The following SLC4A4 variants were observed in gnomAD, a reference collection of about 807,000 sequenced individuals.
SLC4A4 encodes solute carrier family 4 member 4.
In SLC4A4, 27 loss-of-function variants were observed where a neutral mutation model predicts 111.5. The observed-to-expected ratio is 0.24, with a 90% CI of 0.18 to 0.33. The LOEUF (loss-of-function observed/expected upper bound fraction) is 0.33, where lower values mean the gene tolerates loss of function less well. Among genes scored for constraint, SLC4A4 ranks in the 10% least tolerant of loss-of-function variants. SLC4A4 has a pLI of 1.00. For missense variants in SLC4A4, 909 were observed against 1,315.5 expected, an observed-to-expected ratio of 0.69 and a Z score of 4.78; for synonymous variants, 443 against 463.4, an observed-to-expected ratio of 0.96 and a Z score of 0.57.
At chr4:71,072,049 TTC>T (rs1340424165) in intron 1 of SLC4A4, among the ~76,000 whole-genome samples, 1 of 152,208 alleles carries the variant, frequency 6.6e-6, no homozygotes, top group Admixed American at 6.5e-5. Flanking sequence ...GCAAAAATAT[TTC>T]TTTTAATTTT....
intron 2 of SLC4A4, among the ~76,000 whole-genome samples, chr4:71,125,815 GA>G (rs1743546285): frequency 6.6e-6 from 1 of 151,962 alleles, no homozygotes; most frequent in Non-Finnish European, 1.5e-5. Flanking sequence ...GACTCTAGGA[GA>G]AAAAAATATA....
At chr4:71,444,283 C>T (rs1725028228) in intron 8 of SLC4A4, among the ~76,000 whole-genome samples, 1 of 152,076 alleles carries the variant, frequency 6.6e-6, no homozygotes, top group Non-Finnish European at 1.5e-5. Context: ...GTTAATACAT[C>T]CTTTTGTTGT....
At chr4:71,515,952 CT>C (rs1216958314) in intron 16 of SLC4A4, among the ~76,000 whole-genome samples, 3 of 151,464 alleles carry the variant, frequency 2.0e-5, no homozygotes, top group African/African-American at 7.3e-5. Flanking sequence ...AGAATTTAAT[CT>C]GTTAATATTT....
At chr4:71,289,800 A>C (rs1453941084) in intron 3 of SLC4A4, among the ~76,000 whole-genome samples, 1 of 152,252 alleles carries the variant, frequency 6.6e-6, no homozygotes, top group African/African-American at 2.4e-5. Flanking sequence ...CAAGACAACA[A>C]GCACACAGGC....
chr4:71,506,017 T>G (rs1251537242), intron 16 of SLC4A4, among the ~76,000 whole-genome samples: 2 of 152,134 alleles, frequency 1.3e-5, no homozygotes, highest in Non-Finnish European at 2.9e-5. Flanking sequence ...GTGGTCTTAT[T>G]TCTTGATTTT....
intron 6 of SLC4A4, among the ~76,000 whole-genome samples, chr4:71,361,403 G>T (rs1048299917): frequency 1.3e-5 from 2 of 152,110 alleles, no homozygotes; most frequent in Non-Finnish European, 2.9e-5. Flanking sequence ...AATAAATCAG[G>T]GAACAGTGAG....
chr4:71,563,734 A>G, intron 23 of SLC4A4, 59 bp from the exon 24 acceptor site: 1 of 1,032,524 alleles, frequency 9.7e-7, no homozygotes, highest in Non-Finnish European at 1.5e-6. Flanking sequence ...CGATGCTAGG[A>G]GATAGGAAGG....
intron 2 of SLC4A4, among the ~76,000 whole-genome samples, chr4:71,128,498 A>AT (rs1387638070): frequency 6.6e-6 from 1 of 151,972 alleles, no homozygotes; most frequent in Non-Finnish European, 1.5e-5. Context: ...AAGACAGTCA[A>AT]TTTTTTCCTA....
At chr4:71,534,496 A>G in intron 18 of SLC4A4, 108 bp downstream of exon 18, 10 of 1,032,810 alleles carry the variant, frequency 9.7e-6, no homozygotes, top group Non-Finnish European at 1.3e-5. Context: ...TACTATAGCT[A>G]ATGTTCCTTA....
At chr4:71,175,913 T>G (rs1560759637) in intron 2 of SLC4A4, among the ~76,000 whole-genome samples, 1 of 152,138 alleles carries the variant, frequency 6.6e-6, no homozygotes, top group South Asian at 2.1e-4. Flanking sequence ...GTAACCTAAC[T>G]GGGAGGCACC....
chr4:71,248,935 A>T (rs895760472), intron 2 of SLC4A4, among the ~76,000 whole-genome samples: 12 of 152,206 alleles, frequency 7.9e-5, no homozygotes, highest in Admixed American at 7.2e-4. Context: ...CTAGCTAACA[A>T]TCATAAGCTT....
chr4:71,344,552 A>G (rs1276827896), intron 4 of SLC4A4, among the ~76,000 whole-genome samples: 2 of 152,152 alleles, frequency 1.3e-5, no homozygotes, highest in Non-Finnish European at 2.9e-5. Context: ...AATTGATAAT[A>G]TTTTGATTTT....
chr4:71,466,538 C>G lies in SLC4A4; in HGVS notation c.1592C>G (p.Pro531Arg), dbSNP rs1284645271. The G allele has an allele frequency of 6.2e-7, 1 of 1,613,584 alleles. No individual in the cohort carries two copies. The highest frequency in any genetic ancestry group is 8.5e-7 in the Non-Finnish European group (1 of 1,179,686). The change falls in exon 13 of 26, where the codon CCT becomes CGT. Residue 531 changes from proline to arginine, a missense_variant. Pro to Arg is a moderately radical substitution (Grantham distance 103). Transcript: ENST00000264485. ...CTCACTATTCTGAGCAGCACCGGAC[C>G]TGTCCTAGTTTTTGAGAGGCTTCTA... Reference protein sequence around the residue: ...QPLTILSSTGPVLVFERLLFN... With the variant: ...QPLTILSSTGRVLVFERLLFN...
chr4:71,219,763 G>T (rs1414033828), intron 1 of SLC4A4, among the ~76,000 whole-genome samples: 3 of 127,210 alleles, frequency 2.4e-5, no homozygotes, highest in Non-Finnish European at 5.0e-5. Flanking sequence ...AGAGGAAGTT[G>T]ATTCTAATCC....
chr4:71,557,026 C>T (rs1386358134), intron 21 of SLC4A4, among the ~76,000 whole-genome samples: 1 of 151,880 alleles, frequency 6.6e-6, no homozygotes, highest in Non-Finnish European at 1.5e-5. Context: ...CACACAGATG[C>T]TCAGTAGTTA....
chr4:71,414,880 G>C (rs571543183), intron 7 of SLC4A4, among the ~76,000 whole-genome samples: 2 of 152,174 alleles, frequency 1.3e-5, no homozygotes, highest in Non-Finnish European at 1.5e-5. Flanking sequence ...ATAATAATAG[G>C]TAAGGCCAAA....
At chr4:71,555,320 A>T in intron 21 of SLC4A4, 112 bp downstream of exon 21, 4 of 793,506 alleles carry the variant, frequency 5.0e-6, no homozygotes, top group Admixed American at 1.7e-5. Context: ...CTGAGTTTTT[A>T]AAATGCATTT....
chr4:71,318,363 C>T (rs1273546443), intron 3 of SLC4A4, among the ~76,000 whole-genome samples: 2 of 152,058 alleles, frequency 1.3e-5, no homozygotes, highest in African/African-American at 4.8e-5. Context: ...AACCAATTGT[C>T]ATTCACGGCA....
chr4:71,445,496 G>A (rs1474825122), intron 8 of SLC4A4, among the ~76,000 whole-genome samples: 2 of 152,008 alleles, frequency 1.3e-5, no homozygotes, highest in East Asian at 3.8e-4. Flanking sequence ...GAAAAGTTTT[G>A]GATATTATGC....
Sources: gnomAD v4.1 joint callset for allele counts (sites outside exome capture counted in the v4.1 genomes callset) on GRCh38, gnomAD v4.1.1 for gene constraint, MANE v1.5 for transcripts, NCBI Gene and HGNC (gene_info 2026-07-23, HGNC 2026-07-21) for gene names.